Variants in CNGA1 observed in about 807,000 individuals in gnomAD.
CNGA1 encodes cyclic nucleotide gated channel subunit alpha 1, also known as cyclic nucleotide-gated channel alpha-1.
Under a neutral mutation model 69.7 loss-of-function variants are expected in CNGA1, and 53 were observed. The observed-to-expected ratio is 0.76, with a 90% confidence interval of 0.61 to 0.96. The LOEUF (loss-of-function observed/expected upper bound fraction) is 0.96, where lower values mean the gene tolerates loss of function less well. Ranked by LOEUF, CNGA1 falls within the 40% of genes least tolerant of loss-of-function variation. The pLI, the probability that CNGA1 is intolerant of heterozygous loss-of-function variation, is 0.00. For missense variants in CNGA1, 739 were observed against 811.2 expected (o/e 0.91, Z 1.08); for synonymous variants, 249 against 283.5 (o/e 0.88, Z 1.22).
chr4:47,936,594 C>CT lies in CNGA1; in HGVS notation c.1887dup (p.Val630SerfsTer14). On this transcript the variant is annotated frameshift_variant, in exon 11 of 11. Transcript: ENST00000514170. LOFTEE classifies it high-confidence loss of function. Reference sequence around the variant, plus strand: ...GCAAACCTGGTTTGCAGGAGGTCTACTGACCCCTCCATTCGAGTAACCTTC... The same window carrying CT: ...GCAAACCTGGTTTGCAGGAGGTCTACTTGACCCCTCCATTCGAGTAACCTTC... The CT allele has an allele frequency of 6.2e-7, 1 of 1,614,238 alleles. No homozygotes were observed. The highest frequency in any genetic ancestry group is 1.1e-5 in the South Asian group (1 of 91,088).
chr4:47,937,952 T>C (rs1181127255), intron 10 of CNGA1, 123 bp from the exon 11 acceptor site: 3 of 696,082 alleles, frequency 4.3e-6, no homozygotes, highest in African/African-American at 1.8e-5. Context: ...TAAATATGCC[T>C]TTAACAATGT....
At chr4:47,988,663 TATA>T (rs963164147) in intron 2 of CNGA1, among the ~76,000 whole-genome samples, 9 of 152,242 alleles carry the variant, frequency 5.9e-5, no homozygotes, top group Middle Eastern at 6.8e-3. Context: ...TGTAATTTAG[TATA>T]ATATCATAAT....
At chr4:48,001,609 A>G (rs1402144717) in intron 2 of CNGA1, among the ~76,000 whole-genome samples, 1 of 152,262 alleles carries the variant, frequency 6.6e-6, no homozygotes, top group Non-Finnish European at 1.5e-5. Context: ...TAATAATCCT[A>G]CTTGTGTTTG....
chr4:47,982,407 C>T (rs1165044043), intron 2 of CNGA1, among the ~76,000 whole-genome samples: 2 of 152,134 alleles, frequency 1.3e-5, no homozygotes, highest in Non-Finnish European at 2.9e-5. Context: ...GGAGGCACCT[C>T]AAGATGCCTA....
intron 3 of CNGA1, among the ~76,000 whole-genome samples, chr4:47,955,245 C>A (rs575255797): frequency 3.8e-5 from 5 of 133,268 alleles, no homozygotes; most frequent in Non-Finnish European, 6.1e-5. Flanking sequence ...TGCAGTGGTG[C>A]GATATCAGCT....
chr4:47,938,537 C>T (rs571111344), intron 10 of CNGA1, among the ~76,000 whole-genome samples: 8 of 152,068 alleles, frequency 5.3e-5, no homozygotes, highest in East Asian at 1.9e-4. Flanking sequence ...GGACTACAGG[C>T]ACGTGCCACC....
At chr4:48,014,430 G>T (rs1404882261) in intron 1 of CNGA1, among the ~76,000 whole-genome samples, 1 of 152,072 alleles carries the variant, frequency 6.6e-6, no homozygotes, top group Non-Finnish European at 1.5e-5. Flanking sequence ...TGAAAAGCAA[G>T]AACTACAACA....
intron 2 of CNGA1, among the ~76,000 whole-genome samples, chr4:47,995,916 T>C (rs1013096190): frequency 6.6e-6 from 1 of 152,150 alleles, no homozygotes; most frequent in Non-Finnish European, 1.5e-5. Context: ...TTATCTCTCT[T>C]CTGGATCTAG....
intron 3 of CNGA1, among the ~76,000 whole-genome samples, chr4:47,966,390 C>A (rs908012567): frequency 6.6e-6 from 1 of 152,164 alleles, no homozygotes; most frequent in African/African-American, 2.4e-5. Flanking sequence ...CAAACCCACA[C>A]ATAATTAACT....
chr4:47,989,148 A>G (rs970605277), intron 2 of CNGA1, among the ~76,000 whole-genome samples: 1 of 152,170 alleles, frequency 6.6e-6, no homozygotes, highest in Non-Finnish European at 1.5e-5. Context: ...ACTTAGGTCA[A>G]GTTACGTCCT....
intron 1 of CNGA1, among the ~76,000 whole-genome samples, chr4:48,014,684 C>G (rs966125334): frequency 3.3e-5 from 5 of 152,106 alleles, no homozygotes; most frequent in African/African-American, 1.2e-4. Flanking sequence ...TAGTATCTAC[C>G]TTACAGGATT....
rs367772790 is a variant in CNGA1, at chr4:47,937,656, G to A, written c.826C>T (p.Arg276Cys). The A allele has an allele frequency of 1.3e-5, 21 of 1,613,988 alleles. No homozygotes were observed. Among genetic ancestry groups the A allele is most frequent in the African/African-American group, 5.3e-5 (4 of 74,906 alleles). ...IRLNRLLRFS[R>C]MFEFFQRTET... Reference sequence around the variant, plus strand: ...GTTCTCTGGAAGAACTCAAACATACGAGAGAACCGTAACAACCTGTTTAAT... The same window carrying A: ...GTTCTCTGGAAGAACTCAAACATACAAGAGAACCGTAACAACCTGTTTAAT... Residue 276 changes from arginine (R) to cysteine (C), a missense_variant, in exon 11 of 11, where the codon CGT (arginine) becomes TGT (cysteine). Coordinates refer to ENST00000514170, the MANE Select transcript of CNGA1 (RefSeq NM_001379270.1).
chr4:47,980,477 T>C (rs149552145), intron 3 of CNGA1, among the ~76,000 whole-genome samples: 58,811 of 126,400 alleles, frequency 0.47, 13,255 homozygotes, highest in Non-Finnish European at 0.57. Flanking sequence ...TCTTTCTTTT[T>C]TTTTTTTTTT....
At chr4:48,007,769 AG>A (rs1176388446) in intron 2 of CNGA1, among the ~76,000 whole-genome samples, 2 of 152,250 alleles carry the variant, frequency 1.3e-5, no homozygotes, top group East Asian at 3.8e-4. Context: ...CTGTTAGGCC[AG>A]TTACCAAAAG....
rs1741601738 is a variant in CNGA1, at chr4:47,979,733, C to A, written c.-15+1660G>T. On this transcript the variant is annotated intron_variant, in intron 3 of 10. Transcript: ENST00000514170. ...TTTGTAGTCAACTTAACTCTTGATTCTTAATTTAAATTTGACATTTGTTTT... is the reference window on the plus strand; with the variant it reads ...TTTGTAGTCAACTTAACTCTTGATTATTAATTTAAATTTGACATTTGTTTT... Among the ~76,000 whole-genome samples, 2 of 152,036 alleles carry A rather than the reference C, an allele frequency of 1.3e-5. 1 individual carries two copies. Among genetic ancestry groups the A allele is most frequent in the South Asian group, 4.1e-4 (2 of 4,822 alleles).
chr4:47,977,727 A>C (rs1741487162), intron 3 of CNGA1, among the ~76,000 whole-genome samples: 1 of 152,090 alleles, frequency 6.6e-6, no homozygotes, highest in South Asian at 2.1e-4. Flanking sequence ...AAAGCAACAA[A>C]ATTTTTTTAA....
chr4:47,979,149 C>T (rs1453191508), intron 3 of CNGA1, among the ~76,000 whole-genome samples: 4 of 151,796 alleles, frequency 2.6e-5, no homozygotes, highest in South Asian at 2.1e-4. Flanking sequence ...GGCAAAACCC[C>T]GTCTCCACAA....
At chr4:47,943,317 A>C in intron 7 of CNGA1, 29 bp from the exon 8 acceptor site, 1 of 1,542,470 alleles carries the variant, frequency 6.5e-7, no homozygotes, top group Non-Finnish European at 8.8e-7. Context: ...TAGTATTAAA[A>C]TACAGAAATG....
intron 5 of CNGA1, among the ~76,000 whole-genome samples, chr4:47,950,454 AT>A (rs1159104602): frequency 6.6e-6 from 1 of 152,196 alleles, no homozygotes; most frequent in Admixed American, 6.5e-5. Flanking sequence ...AGTCTCGGGT[AT>A]TTCTTCATAA....
Sources: gnomAD v4.1 joint callset for allele counts (sites outside exome capture counted in the v4.1 genomes callset) on GRCh38, gnomAD v4.1.1 for gene constraint, MANE v1.5 for transcripts, NCBI Gene and HGNC (gene_info 2026-07-23, HGNC 2026-07-21) for gene names.